The following CPLANE1 variants were observed in gnomAD, a reference collection of about 807,000 sequenced individuals.
The protein encoded by CPLANE1 is ciliogenesis and planar polarity effector complex subunit 1, also known as ciliogenesis and planar polarity effector 1.
In CPLANE1, 263 loss-of-function variants were observed where a neutral mutation model predicts 362.5. That is an observed-to-expected ratio of 0.73 (90% confidence interval 0.66 to 0.80). The LOEUF (loss-of-function observed/expected upper bound fraction) is 0.80, where lower values mean the gene tolerates loss of function less well. Among genes scored for constraint, CPLANE1 ranks in the 30% least tolerant of loss-of-function variants. The pLI is 0.00. For missense variants in CPLANE1, 3,461 were observed against 3,793.4 expected (o/e 0.91, Z 2.30); for synonymous variants, 1,212 against 1,302.6 (o/e 0.93, Z 1.50).
chr5:37,124,951 T>A, intron 47 of CPLANE1: 1 of 1,125,990 alleles, frequency 8.9e-7, no homozygotes, highest in Non-Finnish European at 1.1e-6. Context: ...AAGGAAGAAC[T>A]CCAATTGGTC....
chr5:37,224,376 T>G, intron 13 of CPLANE1, 43 bp from the exon 14 acceptor site: 2 of 1,395,552 alleles, frequency 1.4e-6, no homozygotes, highest in Non-Finnish European at 9.8e-7. Context: ...TTAATTATAT[T>G]ACTTCATAAA....
At chr5:37,085,432 G>A in the CPLANE1 span, 1 of 969,946 alleles carries the variant, frequency 1.0e-6, no homozygotes, top group Non-Finnish European at 1.7e-6. Context: ...GGTAAAGTGA[G>A]AAAAATCTTT....
chr5:37,135,249 A>C (rs1409669174), intron 46 of CPLANE1, among the ~76,000 whole-genome samples: 2 of 152,136 alleles, frequency 1.3e-5, no homozygotes, highest in African/African-American at 4.8e-5. Context: ...ATTTCCATGT[A>C]ATAGTGTGGT....
At chr5:37,211,054 C>T (rs1263578755) in intron 16 of CPLANE1, 20 of 840,668 alleles carry the variant, frequency 2.4e-5, no homozygotes, top group Admixed American at 3.4e-5. Context: ...CCAAAGCAGT[C>T]TGTGATCCAT....
At chr5:37,112,253 C>T (rs954521521) in intron 51 of CPLANE1, among the ~76,000 whole-genome samples, 4 of 152,178 alleles carry the variant, frequency 2.6e-5, no homozygotes, top group Admixed American at 2.0e-4. Flanking sequence ...AAATCTTCAC[C>T]TATGGGGTAT....
intron 14 of CPLANE1, among the ~76,000 whole-genome samples, chr5:37,223,540 C>A (rs1362916449): frequency 1.3e-5 from 2 of 152,146 alleles, no homozygotes. Flanking sequence ...TAATAATAGA[C>A]CAAATCTGAC....
chr5:37,149,268 CATCAA>C (rs925440219), intron 42 of CPLANE1, among the ~76,000 whole-genome samples: 1 of 152,098 alleles, frequency 6.6e-6, no homozygotes, highest in African/African-American at 2.4e-5. Context: ...TGGCTCCTGA[CATCAA>C]AATCCACAGA....
intron 47 of CPLANE1, among the ~76,000 whole-genome samples, chr5:37,123,756 C>T: frequency 6.6e-6 from 1 of 152,054 alleles, no homozygotes; most frequent in East Asian, 1.9e-4. Flanking sequence ...GAACTCCTGG[C>T]CTCAGGTGAT....
rs1226562009 is a variant in CPLANE1, at chr5:37,209,822, T to C, written c.2921-3397A>G. The C allele has an allele frequency of 1.7e-5, 23 of 1,350,946 alleles. No individual in the cohort carries two copies. Among genetic ancestry groups the C allele is most frequent in the Non-Finnish European group, 2.2e-5 (21 of 942,668 alleles). 83.7% of individuals were successfully genotyped at this position (1,350,946 alleles called of 1,614,324 possible). On this transcript the variant is annotated intron_variant, in intron 16 of 52. Coordinates refer to ENST00000651892, the MANE Select transcript of CPLANE1 (RefSeq NM_001384732.1). This position sits in a 1 kb window ranked among gnomAD's most constrained non-coding sequence, Gnocchi z 4.6. Reference sequence around the variant, plus strand: ...AAGGATTGGCAGAATATCATCAAGCTAAAGAAAGTTGTAATATGGAAACTC... The same window carrying C: ...AAGGATTGGCAGAATATCATCAAGCCAAAGAAAGTTGTAATATGGAAACTC...
rs1045164968 is a variant in CPLANE1 at position 37,173,057 on chromosome 5, T to C, written c.6171+698A>G. On this transcript the variant is annotated intron_variant, in intron 32 of 52. Transcript: ENST00000651892. ...GAATCATCAATATGGAAATGGTATA[T>C]ATTACATCACATAAAAGGATATGGA... Among the ~76,000 whole-genome samples, 42 of 152,190 alleles carry C rather than the reference T, an allele frequency of 2.8e-4. 1 individual carries two copies. The highest frequency in any genetic ancestry group is 7.3e-5 in the Non-Finnish European group (5 of 68,038).
At chr5:37,082,420 C>A in the CPLANE1 span, among the ~76,000 whole-genome samples, 4 of 152,048 alleles carry the variant, frequency 2.6e-5, no homozygotes, top group African/African-American at 9.7e-5. Flanking sequence ...TCACACTACC[C>A]GATCCCAAGA....
chr5:37,160,822 C>T (rs1025707156), intron 38 of CPLANE1, among the ~76,000 whole-genome samples: 2 of 151,850 alleles, frequency 1.3e-5, no homozygotes, highest in Non-Finnish European at 2.9e-5. Flanking sequence ...CAGGCGCCTG[C>T]CACCACACCT....
At chr5:37,197,520 A>C (rs1311223024) in intron 20 of CPLANE1, among the ~76,000 whole-genome samples, 1 of 152,146 alleles carries the variant, frequency 6.6e-6, no homozygotes, top group Non-Finnish European at 1.5e-5. Flanking sequence ...CTAGAAAGGA[A>C]TGTAGCCCCG....
Position 37,195,845 on chromosome 5 carries a change from A to G in CPLANE1, c.3811+13T>C, listed in dbSNP as rs1166314123. The G allele has an allele frequency of 6.2e-7, 1 of 1,601,462 alleles. No individual in the cohort carries two copies. The highest frequency in any genetic ancestry group is 8.5e-7 in the Non-Finnish European group (1 of 1,176,628). On this transcript the variant is annotated intron_variant, in intron 21 of 52. Transcript: ENST00000651892. ...CATTCATACTCTAAGCAAGCAGTTC[A>G]TTTTGGACAAACCTATTGCTCTAAT...
chr5:37,162,621 G>A, intron 37 of CPLANE1, 55 bp from the exon 38 acceptor site: 1 of 1,218,204 alleles, frequency 8.2e-7, no homozygotes, highest in Non-Finnish European at 1.2e-6. Flanking sequence ...AGATTACCAG[G>A]AGCCCAGCAG....
intron 37 of CPLANE1, 131 bp from the exon 38 acceptor site, chr5:37,162,697 T>C: frequency 5.4e-6 from 3 of 556,706 alleles, no homozygotes; most frequent in Non-Finnish European, 6.2e-6. Context: ...TTTTTTTTTT[T>C]GAGATGGAGT....
At chr5:37,184,753 A>G in intron 25 of CPLANE1, 35 bp downstream of exon 25, 3 of 1,560,876 alleles carry the variant, frequency 1.9e-6, no homozygotes, top group Non-Finnish European at 2.6e-6. Context: ...TTTCAAAGGA[A>G]GTGAATGCCA....
intron 19 of CPLANE1, among the ~76,000 whole-genome samples, chr5:37,199,379 C>T (rs1346177393): frequency 6.6e-6 from 1 of 152,214 alleles, no homozygotes; most frequent in African/African-American, 2.4e-5. Context: ...TTCTCTTCCT[C>T]TGCTGGGAAG....
intron 27 of CPLANE1, among the ~76,000 whole-genome samples, chr5:37,180,470 T>G (rs1782389086): frequency 6.6e-6 from 1 of 152,214 alleles, no homozygotes; most frequent in South Asian, 2.1e-4. Flanking sequence ...ATTGGAATAA[T>G]TTCAACTAAA....
Sources: allele counts gnomAD v4.1 joint callset (sites outside exome capture counted in the v4.1 genomes callset), GRCh38; gene constraint gnomAD v4.1.1; non-coding constraint Gnocchi (gnomAD v3.1); transcripts MANE v1.5; gene names NCBI Gene and HGNC (gene_info 2026-07-23, HGNC 2026-07-21).